The following MPHOSPH9 variants were observed in gnomAD, a reference collection of about 807,000 sequenced individuals.
The protein encoded by MPHOSPH9 is M-phase phosphoprotein 9.
MPHOSPH9 carries 88 observed loss-of-function variants against 145.5 expected under a neutral mutation model. That is an observed-to-expected ratio of 0.60 (90% CI 0.51 to 0.72). The LOEUF (loss-of-function observed/expected upper bound fraction) is 0.72, where lower values mean the gene tolerates loss of function less well. MPHOSPH9 is among the 30% of genes least tolerant of loss of function. MPHOSPH9 has a pLI of 0.00. For missense variants in MPHOSPH9, 1,238 were observed against 1,386.6 expected (o/e 0.89, Z 1.70); for synonymous variants, 435 against 486.2 (o/e 0.89, Z 1.39).
Position 123,203,153 on chromosome 12 carries a change from T to G in MPHOSPH9, c.1321-69A>C, listed in dbSNP as rs1194236387. On this transcript the variant is annotated intron_variant, in intron 9 of 23. Coordinates refer to ENST00000606320, the MANE Select transcript of MPHOSPH9 (RefSeq NM_022782.4). ...TTTGTTTTGCTTGTTTTGAAGTGAG[T>G]AGGCTTTAGATCTCCTAGGGAAAAT... 4 of 1,588,552 alleles carry G rather than the reference T, an allele frequency of 2.5e-6. No individual in the cohort carries two copies. In the Admixed American group the frequency reaches 7.2e-5, roughly 29 times the overall value.
At chr12:123,229,883 G>A (rs998660117) in intron 2 of MPHOSPH9, among the ~76,000 whole-genome samples, 8 of 149,942 alleles carry the variant, frequency 5.3e-5, no homozygotes, top group African/African-American at 1.7e-4. Flanking sequence ...GTGCAGTGGC[G>A]CAATCTTGGC....
Position 123,202,951 on chromosome 12 carries a change from G to A in MPHOSPH9, c.1454C>T (p.Ser485Phe), listed in dbSNP as rs758323407. Reference protein sequence around the residue: ...SPDSVLEPSMSSPSDIDSFSQ... With the variant: ...SPDSVLEPSMFSPSDIDSFSQ... The stretch of plus-strand genomic sequence containing the variant: ...AAATGAGTCTATGTCAGAGGGACTA[G>A]ACATACTAGGCTCTAGAACAGAGTC... The change falls in exon 10 of 24, where the codon TCT becomes TTT. Residue 485 changes from serine to phenylalanine, a missense_variant. This residue lies in a region of MPHOSPH9 where 837 missense variants were observed against 897.5 expected (regional missense o/e 0.93). Coordinates refer to ENST00000606320, the MANE Select transcript of MPHOSPH9 (RefSeq NM_022782.4). 6.2e-7 allele frequency: 1 copy of A among 1,614,142 alleles called. No homozygotes were observed. The highest frequency in any genetic ancestry group is 1.1e-5 in the South Asian group (1 of 91,076).
intron 3 of MPHOSPH9, among the ~76,000 whole-genome samples, chr12:123,227,027 C>T (rs181793203): frequency 6.6e-6 from 1 of 152,240 alleles, no homozygotes; most frequent in Non-Finnish European, 1.5e-5. Context: ...CAATATAATG[C>T]AATGTATCAC....
At position 123,186,223 on chromosome 12, in the gene MPHOSPH9, G is replaced by A. The variant is rs1235871320; in HGVS notation, c.2242-5013C>T. 2.2e-4 allele frequency among the ~76,000 whole-genome samples: 13 copies of A among 58,344 alleles called. 1 individual carries two copies. Among genetic ancestry groups the A allele is most frequent in the South Asian group, 1.9e-3 (3 of 1,544 alleles). 38.3% of individuals were successfully genotyped at this position (58,344 alleles called of 152,430 possible). On this transcript the variant is annotated intron_variant, in intron 13 of 23. Transcript: ENST00000606320. Reference sequence around the variant, plus strand: ...GCCTGGGCAATAAGAGCAAAACTCCGTCTCAAAAAAAAAAAAAAAAAAAAA... The same window carrying A: ...GCCTGGGCAATAAGAGCAAAACTCCATCTCAAAAAAAAAAAAAAAAAAAAA...
rs571559428 is a variant in MPHOSPH9, at chr12:123,227,605, T to A, written c.116A>T (p.His39Leu). The change falls in exon 3 of 24, where the codon CAC becomes CTC. Residue 39 changes from histidine (H) to leucine (L), a missense_variant. This residue lies in a region of MPHOSPH9 where 837 missense variants were observed against 897.5 expected (regional missense o/e 0.93). Transcript: ENST00000606320. ...AGAGGATACCCCATTTGTACTAAGGTGGGGACTACTTCTGTTGAAACATAA... is the reference window on the plus strand; with the variant it reads ...AGAGGATACCCCATTTGTACTAAGGAGGGGACTACTTCTGTTGAAACATAA... The part of the protein sequence containing the change: ...LNLNTDRSSP[H>L]LSTNGVSSFS... 4.0e-6 allele frequency: 6 copies of A among 1,511,712 alleles called. No homozygotes were observed. In the South Asian group the frequency reaches 6.3e-5, roughly 16 times the overall value. The allele number at this position is 1,511,712 out of a possible 1,614,324, so 93.6% of individuals were successfully genotyped here.
chr12:123,176,227 A>T (rs2044857899), intron 16 of MPHOSPH9, among the ~76,000 whole-genome samples: 1 of 152,212 alleles, frequency 6.6e-6, no homozygotes, highest in Non-Finnish European at 1.5e-5. Context: ...CAATGTTGAG[A>T]TTATAGCCAA....
intron 2 of MPHOSPH9, among the ~76,000 whole-genome samples, chr12:123,228,577 A>G (rs2047519617): frequency 6.6e-6 from 1 of 152,150 alleles, no homozygotes; most frequent in Non-Finnish European, 1.5e-5. Context: ...AGTCCCAGCC[A>G]ATCAGGAGGC....
downstream of MPHOSPH9, chr12:123,152,378 C>T: frequency 3.0e-6 from 1 of 335,582 alleles, no homozygotes; most frequent in Non-Finnish European, 5.9e-6. Context: ...AGAGATGGTC[C>T]CTGCTCCCGC....
At chr12:123,226,520 A>G (rs1307372053) in intron 3 of MPHOSPH9, among the ~76,000 whole-genome samples, 2 of 149,580 alleles carry the variant, frequency 1.3e-5, no homozygotes, top group Non-Finnish European at 3.0e-5. Flanking sequence ...ATTTATATAT[A>G]CTTTTTTTTT....
intron 6 of MPHOSPH9, among the ~76,000 whole-genome samples, chr12:123,217,519 A>C (rs2047019195): frequency 1.3e-5 from 2 of 152,110 alleles, no homozygotes; most frequent in Non-Finnish European, 1.5e-5. Flanking sequence ...TTACAGTATT[A>C]CTTCTTACAA....
chr12:123,186,119 T>C (rs998721336), intron 13 of MPHOSPH9, among the ~76,000 whole-genome samples: 7 of 149,066 alleles, frequency 4.7e-5, no homozygotes, highest in Non-Finnish European at 1.0e-4. Flanking sequence ...CTCAGCTACT[T>C]GGGAGGCTGA....
At chr12:123,213,574 A>G (rs2138500823) in intron 7 of MPHOSPH9, among the ~76,000 whole-genome samples, 1 of 152,152 alleles carries the variant, frequency 6.6e-6, no homozygotes, top group South Asian at 2.1e-4. Context: ...CATGGCCTCA[A>G]GCGATCCTCA....
chr12:123,186,132 C>T (rs1031982963), intron 13 of MPHOSPH9, among the ~76,000 whole-genome samples: 14 of 146,066 alleles, frequency 9.6e-5, no homozygotes, highest in Admixed American at 1.4e-4. Context: ...GAGGCTGAGG[C>T]GGGAGCATTG....
rs1041156846 is a variant in MPHOSPH9 at position 123,198,316 on chromosome 12, ACTAT to A, written c.1952_1955del (p.Asp651ValfsTer10). The stretch of plus-strand genomic sequence containing the variant: ...CGCGACTAGTAGCTTCATGCAAAGC[ACTAT>A]CTAATTGGCCACATCTAAAAACCAT... On this transcript the variant is annotated frameshift_variant, in exon 12 of 24. Transcript: ENST00000606320. LOFTEE classifies it high-confidence loss of function. 12 of 1,611,994 alleles carry A rather than the reference ACTAT, an allele frequency of 7.4e-6. No homozygotes were observed. The highest frequency in any genetic ancestry group is 2.2e-5 in the South Asian group (2 of 90,720).
At chr12:123,183,079 T>C (rs2045264542) in intron 13 of MPHOSPH9, among the ~76,000 whole-genome samples, 1 of 151,354 alleles carries the variant, frequency 6.6e-6, no homozygotes, top group Non-Finnish European at 1.5e-5. Context: ...TAAAAATAAA[T>C]AAATATAAGA....
At chr12:123,168,907 CAG>C (rs1224786011) in intron 16 of MPHOSPH9, among the ~76,000 whole-genome samples, 3 of 149,810 alleles carry the variant, frequency 2.0e-5, no homozygotes, top group Admixed American at 6.7e-5. Flanking sequence ...TTTTTTGAGA[CAG>C]AGTCTCACTC....
intron 7 of MPHOSPH9, among the ~76,000 whole-genome samples, chr12:123,212,138 G>A (rs183166507): frequency 6.2e-4 from 94 of 152,258 alleles, no homozygotes; most frequent in African/African-American, 2.2e-3. Context: ...TAGGTGGTAA[G>A]CACTCTGATG....
intron 16 of MPHOSPH9, among the ~76,000 whole-genome samples, chr12:123,175,203 T>G (rs999140379): frequency 5.9e-5 from 9 of 151,548 alleles, no homozygotes; most frequent in East Asian, 1.9e-4. Context: ...CAGGCTGGAG[T>G]GCAGTGGCGC....
intron 6 of MPHOSPH9, among the ~76,000 whole-genome samples, chr12:123,215,628 T>C (rs2046921086): frequency 6.6e-6 from 1 of 152,206 alleles, no homozygotes; most frequent in Non-Finnish European, 1.5e-5. Context: ...TAGTAGTCCC[T>C]GCTTACTTAT....
Sources: gnomAD v4.1 joint callset for allele counts (sites outside exome capture counted in the v4.1 genomes callset) on GRCh38, gnomAD v4.1.1 for gene constraint, gnomAD v4.1.1 regional missense constraint, MANE v1.5 for transcripts, NCBI Gene and HGNC (gene_info 2026-07-23, HGNC 2026-07-21) for gene names.